The following LRRC63 variants were observed in gnomAD, a reference collection of about 807,000 sequenced individuals.
The protein encoded by LRRC63 is leucine-rich repeat-containing protein 63.
A neutral mutation model predicts 49.5 loss-of-function variants in LRRC63; 40 were observed. The ratio of observed to expected loss-of-function variants is 0.81; its 90% CI spans 0.63 to 1.05. LRRC63 has a LOEUF of 1.05. LRRC63 is among the 50% of genes least tolerant of loss of function. The pLI is 0.00. For missense variants in LRRC63, 636 were observed against 663.1 expected (o/e 0.96, Z 0.45); for synonymous variants, 191 against 221.1 (o/e 0.86, Z 1.21).
chr13:46,272,599 A>T (rs2047775078), intron 9 of LRRC63, among the ~76,000 whole-genome samples: 1 of 152,220 alleles, frequency 6.6e-6, no homozygotes, highest in African/African-American at 2.4e-5. Context: ...ACTTTAAAAG[A>T]GCACCTTAAA....
intron 7 of LRRC63, among the ~76,000 whole-genome samples, chr13:46,258,619 C>T (rs1022401658): frequency 1.0e-4 from 15 of 150,152 alleles, no homozygotes; most frequent in African/African-American, 3.2e-4. Flanking sequence ...ACCATCCTGG[C>T]CAACATGGTG....
At chr13:46,220,955 C>T (rs754563) in intron 2 of LRRC63, among the ~76,000 whole-genome samples, 59,788 of 151,982 alleles carry the variant, frequency 0.39, 12,305 homozygotes, top group East Asian at 0.58. Flanking sequence ...TTAAGCATCG[C>T]TTCTCTACCC....
intron 9 of LRRC63, chr13:46,270,070 G>C: frequency 1.7e-6 from 1 of 584,744 alleles, no homozygotes; most frequent in Non-Finnish European, 3.1e-6. Context: ...TGGCGCCTGA[G>C]GTCACCATGG....
intron 9 of LRRC63, among the ~76,000 whole-genome samples, chr13:46,274,307 T>C (rs1031013177): frequency 2.0e-5 from 3 of 152,118 alleles, no homozygotes; most frequent in Non-Finnish European, 4.4e-5. Context: ...TTAGTAAAAA[T>C]AAGAACAGTG....
At chr13:46,274,950 T>C (rs762871322) in intron 9 of LRRC63, among the ~76,000 whole-genome samples, 1 of 152,132 alleles carries the variant, frequency 6.6e-6, no homozygotes. Flanking sequence ...CCTATCTACC[T>C]GTGATTTTTT....
chr13:46,233,915 G>A (rs947888274), intron 4 of LRRC63, among the ~76,000 whole-genome samples: 7 of 152,130 alleles, frequency 4.6e-5, no homozygotes, highest in Non-Finnish European at 1.0e-4. Flanking sequence ...TGATATTGAT[G>A]GAATCTAAAT....
At chr13:46,244,886 G>A (rs2047170366) in intron 5 of LRRC63, among the ~76,000 whole-genome samples, 1 of 151,970 alleles carries the variant, frequency 6.6e-6, no homozygotes, top group African/African-American at 2.4e-5. Context: ...AAGGTAAATG[G>A]GTTAAACACC....
chr13:46,270,518 C>G lies in LRRC63; in HGVS notation c.1550+3546C>G, dbSNP rs17067935. ...TGAAGGCTACATTGCAGTTGAGTTA[C>G]CCAAATTTGAAGAAAGTAAAAACAT... On this transcript the variant is annotated intron_variant, in intron 9 of 9. Coordinates refer to ENST00000595396, the Ensembl canonical transcript of LRRC63. The G allele has an allele frequency of 8.7e-3, 6,941 of 800,464 alleles. 324 individuals are homozygous for G. In the African/African-American group the frequency reaches 0.1, roughly 12 times the overall value. 49.6% of individuals were successfully genotyped at this position (800,464 alleles called of 1,614,324 possible). A position where few individuals can be genotyped will look rare whatever the true frequency, so the allele number is the denominator to read the frequency against.
In LRRC63 at chr13:46,244,406, CAAG is replaced by C. The variant is rs913041662; in HGVS notation, c.991-2118_991-2116del. On this transcript the variant is annotated intron_variant, in intron 5 of 9. Coordinates refer to ENST00000595396, the Ensembl canonical transcript of LRRC63. ...TTTTTAACAACACTAAGGAGAATAA[CAAG>C]AAAGTCATTTTTAAAAAGTGGTGTT... Among the ~76,000 whole-genome samples the C allele has an allele frequency of 5.3e-4, 80 of 152,136 alleles. 1 individual carries two copies. The highest frequency in any genetic ancestry group is 1.9e-3 in the African/African-American group (77 of 41,500).
At chr13:46,236,044 A>G (rs1010057320) in intron 5 of LRRC63, among the ~76,000 whole-genome samples, 2 of 152,108 alleles carry the variant, frequency 1.3e-5, no homozygotes, top group Non-Finnish European at 2.9e-5. Context: ...GAAAGTTTCA[A>G]TACTAGAAAT....
chr13:46,236,342 A>T (rs940220733), intron 5 of LRRC63, among the ~76,000 whole-genome samples: 2 of 152,158 alleles, frequency 1.3e-5, no homozygotes, highest in Non-Finnish European at 2.9e-5. Flanking sequence ...TCCAAGAAGG[A>T]TAATTGCCAA....
chr13:46,219,723 C>T (rs1054964309), intron 2 of LRRC63, among the ~76,000 whole-genome samples: 3 of 152,176 alleles, frequency 2.0e-5, no homozygotes, highest in African/African-American at 4.8e-5. Flanking sequence ...CTAGTTTTTC[C>T]TCATCTTCGT....
chr13:46,259,354 G>A (rs2047578712), intron 7 of LRRC63, among the ~76,000 whole-genome samples: 1 of 152,080 alleles, frequency 6.6e-6, no homozygotes, highest in African/African-American at 2.4e-5. Flanking sequence ...TTAGACTCAT[G>A]CCCTGAGGTT....
intron 2 of LRRC63, among the ~76,000 whole-genome samples, chr13:46,213,563 C>T (rs1012805493): frequency 6.6e-6 from 1 of 152,062 alleles, no homozygotes; most frequent in Admixed American, 6.5e-5. Flanking sequence ...CACTGTGGGC[C>T]CCAAGCATAG....
chr13:46,275,784 G>A (rs1177146183), intron 9 of LRRC63, among the ~76,000 whole-genome samples: 4 of 152,112 alleles, frequency 2.6e-5, no homozygotes, highest in South Asian at 2.1e-4. Flanking sequence ...CTGCAGTGCA[G>A]TAGGTTTTTA....
intron 9 of LRRC63, among the ~76,000 whole-genome samples, chr13:46,271,069 A>G (rs1324431000): frequency 6.6e-6 from 1 of 152,222 alleles, no homozygotes; most frequent in Non-Finnish European, 1.5e-5. Context: ...AATCAAAAAT[A>G]TATCATTAAC....
chr13:46,274,082 G>C (rs1468321082), intron 9 of LRRC63, among the ~76,000 whole-genome samples: 4 of 152,094 alleles, frequency 2.6e-5, no homozygotes, highest in Admixed American at 2.6e-4. Context: ...AGATAGACTA[G>C]TGCAGGGGAA....
In LRRC63 at chr13:46,228,735, TA is replaced by T; in HGVS notation, c.832+5del. ...AAATCCCACCAAGACCACCTGAAGG[TA>T]AATGCTAGATTTATACAATTCTTTT... On this transcript the variant is annotated splice_donor_region_variant and intron_variant, in intron 4 of 9. Transcript: ENST00000595396. 1 of 1,518,142 alleles carries T rather than the reference TA, an allele frequency of 6.6e-7. No homozygotes were observed. Among genetic ancestry groups the T allele is most frequent in the South Asian group, 1.2e-5 (1 of 83,236 alleles). 94.0% of individuals were successfully genotyped at this position (1,518,142 alleles called of 1,614,324 possible). A position where few individuals can be genotyped will look rare whatever the true frequency, so the allele number is the denominator to read the frequency against.
rs866753125 is a variant in LRRC63 at position 46,257,925 on chromosome 13, T to A, written c.1227-3984T>A. 4.0e-5 allele frequency among the ~76,000 whole-genome samples: 6 copies of A among 151,732 alleles called. 1 individual carries two copies. The Middle Eastern group carries it at 0.017, about 430-fold the overall frequency. ...TGTTAAAATATGCATATATTTTTTT[T>A]CCCAGATATATTATTTTGGTACCTT... On this transcript the variant is annotated intron_variant, in intron 7 of 9. Coordinates refer to ENST00000595396, the Ensembl canonical transcript of LRRC63.
Sources: allele counts gnomAD v4.1 joint callset (sites outside exome capture counted in the v4.1 genomes callset), GRCh38; gene constraint gnomAD v4.1.1; transcripts MANE v1.5; gene names NCBI Gene and HGNC (gene_info 2026-07-23, HGNC 2026-07-21).